The following SHC2 variants were observed in gnomAD, a reference collection of about 807,000 sequenced individuals.
SHC2 encodes the protein SHC adaptor protein 2, also known as SHC-transforming protein 2.
A neutral mutation model predicts 60.6 loss-of-function variants in SHC2; 62 were observed. The ratio of observed to expected loss-of-function variants is 1.02; its 90% CI spans 0.83 to 1.26. SHC2 has a LOEUF of 1.26. Among genes scored for constraint, SHC2 ranks in the 50% most tolerant of loss-of-function variants. The pLI, the probability that SHC2 is intolerant of heterozygous loss-of-function variation, is 0.00. For synonymous variants in SHC2, 375 were observed against 372.4 expected, an observed-to-expected ratio of 1.01 and a Z score of -0.08; for missense variants, 873 against 822.2, an observed-to-expected ratio of 1.06 and a Z score of -0.76.
intron 1 of SHC2, among the ~76,000 whole-genome samples, chr19:457,975 TGGGGAGGCGGAAGCCGGTCCC>T (rs1568300246): frequency 1.6e-5 from 2 of 127,074 alleles, no homozygotes; most frequent in African/African-American, 7.3e-5. Flanking sequence ...AAGCGGGTCC[TGGGGAGGCGGAAGCCGGTCCC>T]GGGGAGGCAG....
intron 12 of SHC2, among the ~76,000 whole-genome samples, 165 bp downstream of exon 12, chr19:418,758 T>C (rs1220358504): frequency 2.0e-5 from 3 of 152,104 alleles, no homozygotes; most frequent in Non-Finnish European, 2.9e-5. Context: ...TGACAGAATG[T>C]TCTGGAATTC....
rs1355906953 is a variant in SHC2 at position 453,969 on chromosome 19, T to G, written c.468+6560A>C. ...ATGGTACGTGTGGGAGAACACGGGG[T>G]CGGTGTCCACAGACCTTGGCACGAA... On this transcript the variant is annotated intron_variant, in intron 1 of 12. Transcript: ENST00000264554. The surrounding 1 kb of genome is among the most constrained non-coding windows in gnomAD (Gnocchi z 6.3). Among the ~76,000 whole-genome samples, 3 of 151,894 alleles carry G rather than the reference T, an allele frequency of 2.0e-5. No individual in the cohort carries two copies. Among genetic ancestry groups the G allele is most frequent in the African/African-American group, 7.3e-5 (3 of 41,340 alleles).
In SHC2 at chr19:424,986, C is replaced by T; in HGVS notation, c.1309+111G>A. On this transcript the variant is annotated intron_variant, in intron 10 of 12. Transcript: ENST00000264554. The surrounding 1 kb of genome is among the most constrained non-coding windows in gnomAD (Gnocchi z 4.5). ...GAAGGATCTCACGGGGAGAAGGGAG[C>T]CTCCCCCATCAGACCAGGGAATCCC... 4.3e-6 allele frequency: 5 copies of T among 1,163,640 alleles called. No individual in the cohort carries two copies. The highest frequency in any genetic ancestry group is 5.6e-6 in the Non-Finnish European group (5 of 885,152). The allele number at this position is 1,163,640 out of a possible 1,614,324, so 72.1% of individuals were successfully genotyped here.
At chr19:443,640 G>C (rs1406463025) in intron 1 of SHC2, among the ~76,000 whole-genome samples, 1 of 142,238 alleles carries the variant, frequency 7.0e-6, no homozygotes, top group Non-Finnish European at 1.5e-5. Flanking sequence ...ATGGACAGAT[G>C]GATGGTTGGA....
chr19:444,544 C>G (rs1600310313), intron 1 of SHC2, among the ~76,000 whole-genome samples: 1 of 152,194 alleles, frequency 6.6e-6, no homozygotes, highest in African/African-American at 2.4e-5. Flanking sequence ...GGGGGCAAAC[C>G]CTCTGTGGCC....
At chr19:458,900 G>C (rs889494123) in intron 1 of SHC2, among the ~76,000 whole-genome samples, 1 of 152,040 alleles carries the variant, frequency 6.6e-6, no homozygotes, top group African/African-American at 2.4e-5. Context: ...CAGGCCGAGC[G>C]CGCCTGGGGA....
intron 8 of SHC2, 91 bp downstream of exon 8, chr19:434,618 G>A (rs1974673794): frequency 6.0e-6 from 8 of 1,322,828 alleles, no homozygotes; most frequent in South Asian, 1.5e-5. Context: ...GGATCGAGGA[G>A]AACAGGAGCA....
rs35695929 is a variant in SHC2 at position 441,111 on chromosome 19, T to C, written c.469-179A>G. The stretch of plus-strand genomic sequence containing the variant: ...TCAAGGCCCAGCCTTGACACTGTCC[T>C]GCGAGCCGCCCCCTCTGACTCCAGG... On this transcript the variant is annotated intron_variant, in intron 1 of 12. Transcript: ENST00000264554. The surrounding 1 kb of genome is among the most constrained non-coding windows in gnomAD (Gnocchi z 4.9). 42,102 of 979,176 alleles carry C rather than the reference T, an allele frequency of 0.043. 5,976 individuals carry two copies. The highest frequency in any genetic ancestry group is 0.43 in the African/African-American group (24,128 of 56,496). The allele number at this position is 979,176 out of a possible 1,614,324, so 60.7% of individuals were successfully genotyped here. A position where few individuals can be genotyped will look rare whatever the true frequency, so the allele number is the denominator to read the frequency against.
rs1302992606 is a variant in SHC2, at chr19:441,682, GAC to G, written c.469-752_469-751del. ...TGCCAGGAGCCGGGGAATGAAGGCT[GAC>G]ACGAACAGGTTTCCTACTGGGGTCA... is the stretch of plus-strand genomic sequence containing the variant. On this transcript the variant is annotated intron_variant, in intron 1 of 12. Transcript: ENST00000264554. This position sits in a 1 kb window ranked among gnomAD's most constrained non-coding sequence, Gnocchi z 4.9. Among the ~76,000 whole-genome samples the G allele has an allele frequency of 2.0e-5, 3 of 152,234 alleles. No homozygotes were observed. The highest frequency in any genetic ancestry group is 4.4e-5 in the Non-Finnish European group (3 of 68,044).
At chr19:434,518 CTGTGAGATTGTG>C (rs1368333348) in intron 8 of SHC2, among the ~76,000 whole-genome samples, 179 bp downstream of exon 8, 2 of 706 alleles carry the variant, frequency 2.8e-3, no homozygotes, top group African/African-American at 6.5e-3. Flanking sequence ...GATCGTGAGC[CTGTGAGATTGTG>C]AGTGAGATTG....
At chr19:452,608 TG>T (rs1372372627) in intron 1 of SHC2, among the ~76,000 whole-genome samples, 1 of 152,218 alleles carries the variant, frequency 6.6e-6, no homozygotes, top group Non-Finnish European at 1.5e-5. Context: ...TCACTGCGGT[TG>T]GGGCATCGTA....
chr19:421,772 C>T (rs527969939), intron 11 of SHC2, among the ~76,000 whole-genome samples: 23 of 152,094 alleles, frequency 1.5e-4, no homozygotes, highest in South Asian at 6.2e-4. Context: ...TAGCTGGGGA[C>T]GGTGGCTCAC....
intron 12 of SHC2, among the ~76,000 whole-genome samples, chr19:418,323 C>T (rs76776712): frequency 0.013 from 2,021 of 152,362 alleles, 43 homozygotes; most frequent in South Asian, 0.089. Context: ...GTGACGCCCA[C>T]CACAGCCGAC....
chr19:424,080 T>A lies in SHC2; in HGVS notation c.1309+1017A>T, dbSNP rs1974348395. On this transcript the variant is annotated intron_variant, in intron 10 of 12. Coordinates refer to ENST00000264554, the MANE Select transcript of SHC2 (RefSeq NM_012435.3). The surrounding 1 kb of genome is among the most constrained non-coding windows in gnomAD (Gnocchi z 4.5). Reference sequence around the variant, plus strand: ...GTGGAGGAAAGGGAGAAATTTGCAGTTAGCTTGGGAGGCATCCTGAGCTCA... The same window carrying A: ...GTGGAGGAAAGGGAGAAATTTGCAGATAGCTTGGGAGGCATCCTGAGCTCA... Among the ~76,000 whole-genome samples, 1 of 152,104 alleles carries A rather than the reference T, an allele frequency of 6.6e-6. No individual in the cohort carries two copies. Among genetic ancestry groups the A allele is most frequent in the Admixed American group, 6.5e-5 (1 of 15,280 alleles).
intron 1 of SHC2, among the ~76,000 whole-genome samples, chr19:457,820 ACACGCCGGC>A (rs1975388509): frequency 6.6e-6 from 1 of 152,268 alleles, no homozygotes; most frequent in South Asian, 2.1e-4. Flanking sequence ...CCTCCGTGGA[ACACGCCGGC>A]CGTCGGCGTT....
intron 1 of SHC2, among the ~76,000 whole-genome samples, chr19:443,088 G>C (rs1466684135): frequency 7.3e-6 from 1 of 137,242 alleles, no homozygotes; most frequent in East Asian, 2.4e-4. Context: ...GATGGATGGA[G>C]GGTGGATGGA....
chr19:422,598 A>G lies in SHC2; in HGVS notation c.1310-142T>C. The G allele has an allele frequency of 1.5e-6, 1 of 667,810 alleles. No individual in the cohort carries two copies. Among genetic ancestry groups the G allele is most frequent in the Non-Finnish European group, 2.5e-6 (1 of 398,670 alleles). The allele number at this position is 667,810 out of a possible 1,614,324, so 41.4% of individuals were successfully genotyped here. ...GCTGACCGAGCGCCCACAGCGTATC[A>G]GACTCGCACTCTGCCCAGCCCCGTG... On this transcript the variant is annotated intron_variant, in intron 10 of 12. Coordinates refer to ENST00000264554, the MANE Select transcript of SHC2 (RefSeq NM_012435.3). The surrounding 1 kb of genome is among the most constrained non-coding windows in gnomAD (Gnocchi z 5.0).
chr19:427,227 G>A (rs975086286), intron 9 of SHC2, among the ~76,000 whole-genome samples: 2 of 152,250 alleles, frequency 1.3e-5, no homozygotes, highest in Non-Finnish European at 2.9e-5. Flanking sequence ...AGGCTGTTAG[G>A]AAACAGGCAG....
chr19:422,267 A>T lies in SHC2; in HGVS notation c.1499T>A (p.Met500Lys), dbSNP rs2145689024. 1 of 1,612,468 alleles carries T rather than the reference A, an allele frequency of 6.2e-7. No individual in the cohort carries two copies. Among genetic ancestry groups the T allele is most frequent in the Non-Finnish European group, 8.5e-7 (1 of 1,179,670 alleles). The change falls in exon 11 of 13, where the codon ATG (methionine) becomes AAG (lysine). Residue 500 changes from methionine (M) to lysine (K), a missense_variant. Coordinates refer to ENST00000264554, the MANE Select transcript of SHC2 (RefSeq NM_012435.3). This position sits in a 1 kb window ranked among gnomAD's most constrained non-coding sequence, Gnocchi z 5.0. ...GRMSRRAAERMLRADGDFLVR... is the reference protein window; with the variant it reads ...GRMSRRAAERKLRADGDFLVR... ...AAGGAAGTCCCCGTCAGCTCGAAGC[A>T]TCCTCTCTGCCGCCCGGCGGCTCAT...
Sources: gnomAD v4.1 joint callset for allele counts (sites outside exome capture counted in the v4.1 genomes callset) on GRCh38, gnomAD v4.1.1 for gene constraint, Gnocchi (gnomAD v3.1) non-coding constraint, MANE v1.5 for transcripts, NCBI Gene and HGNC (gene_info 2026-07-23, HGNC 2026-07-21) for gene names.